USP31: variants seen among roughly 807,000 people sequenced by gnomAD.
USP31 encodes ubiquitin specific peptidase 31, also known as ubiquitin carboxyl-terminal hydrolase 31.
USP31 carries 44 observed loss-of-function variants against 119.4 expected under a neutral mutation model. The ratio of observed to expected loss-of-function variants is 0.37; its 90% CI spans 0.29 to 0.47. USP31 has a LOEUF of 0.47. Ranked by LOEUF, USP31 falls within the 20% of genes least tolerant of loss-of-function variation. USP31 has a pLI of 0.99. For missense variants in USP31, 1,643 were observed against 1,730.2 expected, an observed-to-expected ratio of 0.95 and a Z score of 0.89; for synonymous variants, 749 against 705.6, an observed-to-expected ratio of 1.06 and a Z score of -0.97.
Position 23,068,620 on chromosome 16 carries a change from C to T in USP31, c.3485G>A (p.Ser1162Asn). Residue 1162 changes from serine to asparagine, a missense_variant, in exon 16 of 16, where the codon AGC (serine) becomes AAC (asparagine). By Grantham distance (46) the Ser-to-Asn change is conservative (BLOSUM62 1). Transcript: ENST00000219689. The stretch of plus-strand genomic sequence containing the variant: ...GGCGCTGGCTCTGTCAGAACCCAAG[C>T]TTTGTCTGGAGCCCTCTCTACTCAA... Reference protein sequence around the residue: ...HSLSREGSRQSLGSDRASATS... With the variant: ...HSLSREGSRQNLGSDRASATS... 1.3e-5 allele frequency: 21 copies of T among 1,614,206 alleles called. No individual in the cohort carries two copies. Among genetic ancestry groups the T allele is most frequent in the Non-Finnish European group, 1.8e-5 (21 of 1,180,042 alleles).
chr16:23,069,177 C>T lies in USP31; in HGVS notation c.2928G>A (p.Leu976=), dbSNP rs768588050. The change falls in exon 16 of 16, where the codon CTG becomes CTA. Residue 976 remains leucine (L), a synonymous_variant. Coordinates refer to ENST00000219689, the MANE Select transcript of USP31 (RefSeq NM_020718.4). ...TATCAAATGGACCAGAGAGCGGGGG[C>T]AGGCGGTCCCCTTGTGCTGAATGTT... ...QSKHSAQGDR[L]PPLSGPFDNN... 6.2e-7 allele frequency: 1 copy of T among 1,614,192 alleles called. No homozygotes were observed. The highest frequency in any genetic ancestry group is 1.3e-5 in the African/African-American group (1 of 75,052).
At chr16:23,076,942 G>C (rs1332353352) in intron 13 of USP31, among the ~76,000 whole-genome samples, 1 of 152,138 alleles carries the variant, frequency 6.6e-6, no homozygotes, top group East Asian at 1.9e-4. Flanking sequence ...AAAGAACACA[G>C]ACATGACTGG....
intron 1 of USP31, among the ~76,000 whole-genome samples, chr16:23,133,513 T>C (rs1028981148): frequency 2.6e-5 from 4 of 152,236 alleles, no homozygotes; most frequent in Non-Finnish European, 5.9e-5. Flanking sequence ...GATTTTTATA[T>C]GTTTTTAAAC....
intron 14 of USP31, 24 bp from the exon 15 acceptor site, chr16:23,072,221 G>A (rs779561529): frequency 1.9e-6 from 3 of 1,596,214 alleles, no homozygotes; most frequent in Non-Finnish European, 2.5e-6. Flanking sequence ...AACAGGCATA[G>A]AGGTCAGGCT....
intron 1 of USP31, among the ~76,000 whole-genome samples, chr16:23,113,131 T>C (rs1902377706): frequency 6.6e-6 from 1 of 151,848 alleles, no homozygotes; most frequent in Non-Finnish European, 1.5e-5. Flanking sequence ...TACTGACGGA[T>C]CGAAAGAGGA....
At chr16:23,130,880 C>T (rs559445546) in intron 1 of USP31, among the ~76,000 whole-genome samples, 3 of 152,306 alleles carry the variant, frequency 2.0e-5, no homozygotes, top group Admixed American at 1.3e-4. Context: ...CACATAGGTG[C>T]TATGGGGTAG....
At chr16:23,127,109 C>A (rs1486191167) in intron 1 of USP31, among the ~76,000 whole-genome samples, 1 of 151,904 alleles carries the variant, frequency 6.6e-6, no homozygotes, top group Non-Finnish European at 1.5e-5. Flanking sequence ...GGATAGGAAC[C>A]AATCTATCAA....
At chr16:23,138,804 C>CT (rs1903266478) in intron 1 of USP31, among the ~76,000 whole-genome samples, 1 of 152,170 alleles carries the variant, frequency 6.6e-6, no homozygotes, top group Non-Finnish European at 1.5e-5. Flanking sequence ...CCAAATCCTT[C>CT]AAGACACGGA....
chr16:23,099,779 T>C (rs1438397730), intron 6 of USP31, among the ~76,000 whole-genome samples: 5 of 152,182 alleles, frequency 3.3e-5, no homozygotes, highest in African/African-American at 1.2e-4. Context: ...GCAAATCATA[T>C]ATCTGATAAG....
chr16:23,112,989 T>C (rs1044950290), intron 1 of USP31, among the ~76,000 whole-genome samples: 4 of 151,426 alleles, frequency 2.6e-5, no homozygotes, highest in African/African-American at 9.7e-5. Context: ...GATCATGCCA[T>C]TGCACTCCAG....
chr16:23,125,449 A>G (rs117017970), intron 1 of USP31, among the ~76,000 whole-genome samples: 222 of 152,336 alleles, frequency 1.5e-3, no homozygotes, highest in Non-Finnish European at 2.7e-3. Context: ...TGACATCACA[A>G]TAGAGCCTGA....
chr16:23,078,051 T>A (rs543673157), intron 13 of USP31, among the ~76,000 whole-genome samples: 9 of 152,108 alleles, frequency 5.9e-5, no homozygotes, highest in South Asian at 2.1e-4. Context: ...CAGTGGCTCA[T>A]GCCTGTAATC....
At chr16:23,114,583 G>A (rs374439819) in intron 1 of USP31, among the ~76,000 whole-genome samples, 31 of 152,236 alleles carry the variant, frequency 2.0e-4, no homozygotes, top group East Asian at 7.7e-4. Flanking sequence ...TGGAGACTAC[G>A]TTCAATTATC....
chr16:23,101,970 TAA>T (rs34773118), intron 6 of USP31, among the ~76,000 whole-genome samples: 255 of 85,532 alleles, frequency 3.0e-3, no homozygotes, highest in African/African-American at 8.4e-3. Flanking sequence ...TAGCAAAATT[TAA>T]AAAAAAAAAA....
At chr16:23,110,513 G>A (rs1902273377) in intron 1 of USP31, among the ~76,000 whole-genome samples, 1 of 152,196 alleles carries the variant, frequency 6.6e-6, no homozygotes, top group African/African-American at 2.4e-5. Context: ...ACAGTAAACA[G>A]ATTAGGCAGA....
chr16:23,133,924 A>T (rs958508505), intron 1 of USP31, among the ~76,000 whole-genome samples: 3 of 152,186 alleles, frequency 2.0e-5, no homozygotes, highest in African/African-American at 7.2e-5. Flanking sequence ...AAAAATAACA[A>T]AAGTTAGCCA....
rs1458573279 is a variant in USP31, at chr16:23,067,087, T to A, written c.*959A>T. 1.3e-5 allele frequency: 2 copies of A among 152,330 alleles called. No individual in the cohort carries two copies. Among genetic ancestry groups the A allele is most frequent in the Non-Finnish European group, 2.9e-5 (2 of 68,034 alleles). 9.4% of individuals were successfully genotyped at this position (152,330 alleles called of 1,614,324 possible). A position where few individuals can be genotyped will look rare whatever the true frequency, so the allele number is the denominator to read the frequency against. On this transcript the variant is annotated 3_prime_UTR_variant, in exon 16 of 16. Coordinates refer to ENST00000219689, the MANE Select transcript of USP31 (RefSeq NM_020718.4). ...GAGCTTCCCACCTCTAACGGAAAAATGCAACACCTGACAAGGAAAATGATG... is the reference window on the plus strand; with the variant it reads ...GAGCTTCCCACCTCTAACGGAAAAAAGCAACACCTGACAAGGAAAATGATG...
chr16:23,087,066 G>GT (rs773533993), intron 9 of USP31, 26 bp downstream of exon 9: 13 of 1,564,134 alleles, frequency 8.3e-6, no homozygotes, highest in Middle Eastern at 1.7e-4. Context: ...ATTCTAAAAG[G>GT]TAATTTAAAA....
intron 1 of USP31, among the ~76,000 whole-genome samples, chr16:23,131,026 T>G (rs1261922664): frequency 6.6e-6 from 1 of 152,174 alleles, no homozygotes; most frequent in Non-Finnish European, 1.5e-5. Context: ...ATTTAGAAAT[T>G]CAGCTGGGCG....
Sources: gnomAD v4.1 joint callset for allele counts (sites outside exome capture counted in the v4.1 genomes callset) on GRCh38, gnomAD v4.1.1 for gene constraint, MANE v1.5 for transcripts, NCBI Gene and HGNC (gene_info 2026-07-23, HGNC 2026-07-21) for gene names.